The following PLXND1 variants were observed in gnomAD, a reference collection of about 807,000 sequenced individuals.
PLXND1 encodes plexin D1.
PLXND1 carries 54 observed loss-of-function variants against 197.7 expected under a neutral mutation model. The ratio of observed to expected loss-of-function variants is 0.27; its 90% CI spans 0.22 to 0.34. The LOEUF (loss-of-function observed/expected upper bound fraction) is 0.34. PLXND1 is among the 10% of genes least tolerant of loss of function. PLXND1 has a pLI of 1.00. For missense variants in PLXND1, 2,127 were observed against 2,699.2 expected (o/e 0.79, Z 4.70); for synonymous variants, 1,180 against 1,161.2 (o/e 1.02, Z -0.33).
At chr3:129,574,599 T>C (rs1022528273) in intron 11 of PLXND1, 109 bp from the exon 12 acceptor site, 2 of 1,125,660 alleles carry the variant, frequency 1.8e-6, no homozygotes, top group Admixed American at 2.5e-5. Flanking sequence ...CCCATCATTG[T>C]GGTGCCCCAC....
intron 8 of PLXND1, among the ~76,000 whole-genome samples, chr3:129,578,738 A>C (rs1042883818): frequency 6.6e-6 from 1 of 152,130 alleles, no homozygotes; most frequent in African/African-American, 2.4e-5. Context: ...CGAGGCTGGG[A>C]GGCTGAACTC....
In PLXND1 at chr3:129,571,237, CTGA is replaced by C; in HGVS notation, c.3400_3402del (p.Ser1134del). 1 of 1,614,140 alleles carries C rather than the reference CTGA, an allele frequency of 6.2e-7. No individual in the cohort carries two copies. The highest frequency in any genetic ancestry group is 8.5e-7 in the Non-Finnish European group (1 of 1,179,998). On this transcript the variant is annotated inframe_deletion, in exon 18 of 36. Transcript: ENST00000324093. ...CCATTGATGAAGAAGTCCACTGGCG[CTGA>C]TGCGTTGCTCAGGGCCCCGGGGGAC...
intron 8 of PLXND1, among the ~76,000 whole-genome samples, chr3:129,582,702 A>G (rs906068742): frequency 1.3e-5 from 2 of 152,240 alleles, no homozygotes; most frequent in Non-Finnish European, 2.9e-5. Context: ...GGCCACCTGG[A>G]AAGTGAACAA....
At chr3:129,599,389 G>A (rs1035924758) in intron 1 of PLXND1, among the ~76,000 whole-genome samples, 2 of 152,256 alleles carry the variant, frequency 1.3e-5, no homozygotes, top group South Asian at 4.1e-4. Context: ...CTAGGAAGGG[G>A]CAGAGGCAGG....
In PLXND1 at chr3:129,577,955, C is replaced by T. The variant is rs1048529942; in HGVS notation, c.2346+374G>A. 4.6e-5 allele frequency among the ~76,000 whole-genome samples: 7 copies of T among 152,304 alleles called. No individual in the cohort carries two copies. Among genetic ancestry groups the T allele is most frequent in the Admixed American group, 6.5e-5 (1 of 15,310 alleles). ...GCCACCCACGGGGCAGTGGGCTCGG[C>T]GGTGGGTGGGTGTGTCCAGGGTCAC... is the stretch of plus-strand genomic sequence containing the variant. On this transcript the variant is annotated intron_variant, in intron 9 of 35. Coordinates refer to ENST00000324093, the MANE Select transcript of PLXND1 (RefSeq NM_015103.3). This position sits in a 1 kb window ranked among gnomAD's most constrained non-coding sequence, Gnocchi z 5.0.
At chr3:129,581,791 C>A (rs1007800193) in intron 8 of PLXND1, among the ~76,000 whole-genome samples, 1 of 152,212 alleles carries the variant, frequency 6.6e-6, no homozygotes, top group Non-Finnish European at 1.5e-5. Flanking sequence ...CTGACTAAGG[C>A]ATACAGCAGG....
chr3:129,580,118 A>G (rs997194248), intron 8 of PLXND1, among the ~76,000 whole-genome samples: 1 of 152,216 alleles, frequency 6.6e-6, no homozygotes, highest in Non-Finnish European at 1.5e-5. Context: ...GAAGCAAAGC[A>G]GTTTGCCTAC....
chr3:129,589,635 G>C (rs999060282), intron 1 of PLXND1, 108 bp from the exon 2 acceptor site: 7 of 981,970 alleles, frequency 7.1e-6, no homozygotes, highest in Non-Finnish European at 1.0e-5. Flanking sequence ...TTCAAGTCTT[G>C]TTCCTACTTT....
chr3:129,561,625 TC>T lies in PLXND1; in HGVS notation c.4993+20del. The T allele has an allele frequency of 1.3e-6, 2 of 1,584,012 alleles. No individual in the cohort carries two copies. Among genetic ancestry groups the T allele is most frequent in the Non-Finnish European group, 1.7e-6 (2 of 1,158,970 alleles). Reference sequence around the variant, plus strand: ...TGTCCACACGCAGCCTGGGCTCCCTTCCCACGTGCACCCGCACTACCTCGGC... The same window carrying T: ...TGTCCACACGCAGCCTGGGCTCCCTTCCACGTGCACCCGCACTACCTCGGC... On this transcript the variant is annotated intron_variant, in intron 29 of 35. Transcript: ENST00000324093.
At chr3:129,578,498 C>G (rs893727661) in intron 8 of PLXND1, 65 bp from the exon 9 acceptor site, 27 of 976,710 alleles carry the variant, frequency 2.8e-5, no homozygotes, top group Middle Eastern at 2.2e-4. Flanking sequence ...GGAGGACTCA[C>G]TGCACCCCAG....
rs767180864 is a variant in PLXND1, at chr3:129,605,791, G to A, written c.849C>T (p.Phe283=). The change falls in exon 1 of 36, where the codon TTC becomes TTT. Residue 283 remains phenylalanine (F), a synonymous_variant. Coordinates refer to ENST00000324093, the MANE Select transcript of PLXND1 (RefSeq NM_015103.3). The part of the protein sequence containing the change: ...EQHKLGFVSA[F]LHPSDPPPGA... ...CCGGCGGCGGGTCGGACGGGTGCAG[G>A]AAGGCGCTCACGAAGCCCAGCTTGT... is the stretch of plus-strand genomic sequence containing the variant. The A allele has an allele frequency of 2.5e-6, 4 of 1,594,316 alleles. No homozygotes were observed. Among genetic ancestry groups the A allele is most frequent in the South Asian group, 1.1e-5 (1 of 88,692 alleles).
rs561086862 is a variant in PLXND1, at chr3:129,560,121, A to G, written c.5133+209T>C. Among the ~76,000 whole-genome samples the G allele has an allele frequency of 3.4e-4, 52 of 152,364 alleles. No individual in the cohort carries two copies. In the South Asian group the frequency reaches 0.01, roughly 30 times the overall value. On this transcript the variant is annotated intron_variant, in intron 31 of 35. Coordinates refer to ENST00000324093, the MANE Select transcript of PLXND1 (RefSeq NM_015103.3). ...GTGGGCTAACATAGAAGTCTCTGTC[A>G]GGCATTTTTCCTGGCTGTGAGAAAT...
chr3:129,600,040 G>A (rs947338637), intron 1 of PLXND1, among the ~76,000 whole-genome samples: 1 of 152,242 alleles, frequency 6.6e-6, no homozygotes, highest in African/African-American at 2.4e-5. Context: ...TGCAGAGCGC[G>A]AGCTCGGCGA....
chr3:129,585,099 T>C (rs545026114), intron 5 of PLXND1, among the ~76,000 whole-genome samples: 3 of 152,342 alleles, frequency 2.0e-5, no homozygotes, highest in Admixed American at 6.5e-5. Flanking sequence ...TGATTACTGA[T>C]GTGTCCCCAG....
At position 129,565,976 on chromosome 3, in the gene PLXND1, G is replaced by A; in HGVS notation, c.4233C>T (p.Ser1411=). The A allele has an allele frequency of 1.9e-6, 3 of 1,614,084 alleles. No individual in the cohort carries two copies. Among genetic ancestry groups the A allele is most frequent in the Non-Finnish European group, 1.7e-6 (2 of 1,179,914 alleles). ...TGTTGTTGAGTAGTGAGGAGAACAA[G>A]CTAATTCCCTCTTCCATGTTGGGCC... ...SCRPNMEEGI[S]LFSSLLNNKH... Residue 1411 remains serine (S), a synonymous_variant, in exon 24 of 36, where the codon AGC becomes AGT. Coordinates refer to ENST00000324093, the MANE Select transcript of PLXND1 (RefSeq NM_015103.3).
At chr3:129,570,638 G>C in intron 19 of PLXND1, 148 bp downstream of exon 19, 1 of 765,548 alleles carries the variant, frequency 1.3e-6, no homozygotes, top group Non-Finnish European at 2.2e-6. Flanking sequence ...CATATGTCAA[G>C]TGGGGATGTA....
chr3:129,582,586 C>A (rs920688512), intron 8 of PLXND1, among the ~76,000 whole-genome samples: 3 of 151,656 alleles, frequency 2.0e-5, no homozygotes, highest in Non-Finnish European at 2.9e-5. Flanking sequence ...CCTGGCACAT[C>A]CCACCTGGCT....
At chr3:129,561,548 C>T (rs1262579986) in intron 29 of PLXND1, 98 bp downstream of exon 29, 34 of 927,922 alleles carry the variant, frequency 3.7e-5, no homozygotes, top group Non-Finnish European at 5.0e-5. Context: ...CCCAGGCCAG[C>T]CCTGCCTCTC....
intron 1 of PLXND1, among the ~76,000 whole-genome samples, chr3:129,603,276 T>C (rs2085736644): frequency 6.6e-6 from 1 of 152,210 alleles, no homozygotes; most frequent in Non-Finnish European, 1.5e-5. Context: ...GGAGAGGCCC[T>C]GTCCCCTTAG....
Sources: gnomAD v4.1 joint callset for allele counts (sites outside exome capture counted in the v4.1 genomes callset) on GRCh38, gnomAD v4.1.1 for gene constraint, Gnocchi (gnomAD v3.1) non-coding constraint, MANE v1.5 for transcripts, NCBI Gene and HGNC (gene_info 2026-07-23, HGNC 2026-07-21) for gene names.